UAP1: variants seen among roughly 807,000 people sequenced by gnomAD.
The protein encoded by UAP1 is UDP-N-acetylglucosamine pyrophosphorylase 1, also known as UDP-N-acetylhexosamine pyrophosphorylase.
Under a neutral mutation model 58.5 loss-of-function variants are expected in UAP1, and 25 were observed. That is an observed-to-expected ratio of 0.43 (90% confidence interval 0.31 to 0.60). The LOEUF (loss-of-function observed/expected upper bound fraction) is 0.60. Among genes scored for constraint, UAP1 ranks in the 20% least tolerant of loss-of-function variants. The pLI is 0.11. For synonymous variants in UAP1, 208 were observed against 213.0 expected, an observed-to-expected ratio of 0.98 and a Z score of 0.21; for missense variants, 575 against 630.0, an observed-to-expected ratio of 0.91 and a Z score of 0.93.
At chr1:162,570,903 T>A (rs1011814932) in intron 2 of UAP1, among the ~76,000 whole-genome samples, 2 of 152,118 alleles carry the variant, frequency 1.3e-5, no homozygotes, top group African/African-American at 4.8e-5. Flanking sequence ...TGTTAAAGTG[T>A]ATAGGAGGAA....
chr1:162,583,904 T>A (rs1654756182), intron 5 of UAP1, among the ~76,000 whole-genome samples: 1 of 152,200 alleles, frequency 6.6e-6, no homozygotes, highest in African/African-American at 2.4e-5. Context: ...CCTCCCAAAG[T>A]GCTGGGATTA....
exon 8 of UAP1, chr1:162,590,507 C>T (rs1431271456): frequency 1.3e-6 from 2 of 1,599,812 alleles, no homozygotes; most frequent in Admixed American, 3.5e-5. Context: ...TCCAGCAATT[C>T]CCCGGTAAGT....
At chr1:162,575,936 G>A (rs1654154110) in intron 2 of UAP1, among the ~76,000 whole-genome samples, 1 of 152,094 alleles carries the variant, frequency 6.6e-6, no homozygotes. Flanking sequence ...ACCTGCCGCG[G>A]CCTCCCAAAG....
chr1:162,581,501 G>T (rs1364616176), intron 5 of UAP1, 42 bp downstream of exon 5: 1 of 1,586,462 alleles, frequency 6.3e-7, no homozygotes, highest in Admixed American at 1.7e-5. Context: ...TGATGGTCTT[G>T]CTCTGTCATA....
At chr1:162,599,622 G>C (rs752684655) in exon 11 of UAP1, 6 of 291,674 alleles carry the variant, frequency 2.1e-5, no homozygotes, top group Admixed American at 4.9e-5. Flanking sequence ...TGGCCATCCA[G>C]GAAATTTCGT....
At chr1:162,590,462 G>A (rs772376114) in exon 8 of UAP1, 5 of 1,609,284 alleles carry the variant, frequency 3.1e-6, no homozygotes, top group East Asian at 4.5e-5. Context: ...CCTCAATGCA[G>A]GGGGCCATTT....
At chr1:162,579,873 T>C (rs1464720563) in intron 4 of UAP1, among the ~76,000 whole-genome samples, 1 of 152,194 alleles carries the variant, frequency 6.6e-6, no homozygotes, top group African/African-American at 2.4e-5. Context: ...TTTTATTTTT[T>C]ACAATTTTTG....
chr1:162,575,230 G>A (rs1383713029), intron 2 of UAP1, among the ~76,000 whole-genome samples: 2 of 151,902 alleles, frequency 1.3e-5, no homozygotes, highest in Non-Finnish European at 2.9e-5. Context: ...CACCGTGCCT[G>A]GCTAATTTTT....
At chr1:162,576,812 C>T (rs1181712299) in exon 3 of UAP1, 2 of 1,613,922 alleles carry the variant, frequency 1.2e-6, no homozygotes, top group Non-Finnish European at 1.7e-6. Flanking sequence ...AGTAGCAGTT[C>T]TTCTTCTAGC....
At chr1:162,597,619 A>G (rs1655686020) in intron 9 of UAP1, 173 bp from the exon 10 acceptor site, 1 of 538,256 alleles carries the variant, frequency 1.9e-6, no homozygotes, top group South Asian at 2.9e-5. Flanking sequence ...TGAGAATTTC[A>G]TATTAACTTA....
At chr1:162,563,485 C>T (rs1004766094) in intron 1 of UAP1, among the ~76,000 whole-genome samples, 3 of 152,122 alleles carry the variant, frequency 2.0e-5, no homozygotes, top group Non-Finnish European at 2.9e-5. Context: ...CTGCCTCAGC[C>T]TCCTGAGTAG....
chr1:162,579,466 A>C, exon 4 of UAP1: 1 of 1,604,616 alleles, frequency 6.2e-7, no homozygotes, highest in Non-Finnish European at 8.5e-7. Context: ...GAATCTACAA[A>C]GGAGTTCTTC....
intron 9 of UAP1, among the ~76,000 whole-genome samples, chr1:162,594,838 G>T (rs1320665508): frequency 6.6e-6 from 1 of 152,168 alleles, no homozygotes; most frequent in Non-Finnish European, 1.5e-5. Flanking sequence ...AATAATTAAA[G>T]TGAAATCAAA....
chr1:162,571,082 G>A (rs1171777249), intron 2 of UAP1, among the ~76,000 whole-genome samples: 2 of 150,276 alleles, frequency 1.3e-5, no homozygotes, highest in Non-Finnish European at 3.0e-5. Flanking sequence ...AAATGTGTCA[G>A]TCTGGCTTTC....
At chr1:162,582,935 A>G (rs1370850851) in intron 5 of UAP1, among the ~76,000 whole-genome samples, 1 of 151,896 alleles carries the variant, frequency 6.6e-6, no homozygotes, top group Non-Finnish European at 1.5e-5. Context: ...TAGTTCAGTT[A>G]TTTAAGACTT....
rs115896873 is a variant in UAP1, at chr1:162,584,704, A to C, written c.835-2771A>C. 7.2e-3 allele frequency among the ~76,000 whole-genome samples: 1,087 copies of C among 151,874 alleles called. 8 individuals are homozygous for C. The highest frequency in any genetic ancestry group is 0.024 in the African/African-American group (1,010 of 41,378). ...TGCTACATTGCCCAGGCTGGTCTTG[A>C]AATCCTGGGCTCAGGTGATCTGCCT... On this transcript the variant is annotated intron_variant, in intron 5 of 10. Transcript: ENST00000271469.
intron 1 of UAP1, among the ~76,000 whole-genome samples, chr1:162,562,839 G>A (rs1358890561): frequency 6.6e-6 from 1 of 152,130 alleles, no homozygotes; most frequent in African/African-American, 2.4e-5. Flanking sequence ...GCTTTAAGAG[G>A]TTTACTTATT....
intron 5 of UAP1, among the ~76,000 whole-genome samples, chr1:162,581,917 CAATT>C (rs2101791725): frequency 6.6e-6 from 1 of 152,202 alleles, no homozygotes; most frequent in South Asian, 2.1e-4. Flanking sequence ...GGCATAAGGA[CAATT>C]AAAGAGGTGA....
intron 8 of UAP1, among the ~76,000 whole-genome samples, chr1:162,591,070 G>A (rs565087624): frequency 1.3e-5 from 2 of 152,034 alleles, no homozygotes; most frequent in African/African-American, 2.4e-5. Flanking sequence ...GACTATACAG[G>A]CACATGCCAC....
Sources: gnomAD v4.1 joint callset for allele counts (sites outside exome capture counted in the v4.1 genomes callset) on GRCh38, gnomAD v4.1.1 for gene constraint, MANE v1.5 for transcripts, NCBI Gene and HGNC (gene_info 2026-07-23, HGNC 2026-07-21) for gene names.